The following C6orf120 variants were observed in gnomAD, a reference collection of about 807,000 sequenced individuals.
The protein encoded by C6orf120 is chromosome 6 open reading frame 120.
For synonymous variants in C6orf120, 165 were observed against 123.1 expected, an observed-to-expected ratio of 1.34 and a Z score of -2.25; for missense variants, 311 against 264.2, an observed-to-expected ratio of 1.18 and a Z score of -1.23.
At chr6:169,705,224 T>C (rs758405157), downstream of C6orf120, 1 of 1,613,676 alleles carries the variant, frequency 6.2e-7, no homozygotes, top group East Asian at 2.2e-5. Context: ...GGTGGGGTTG[T>C]CCACATATAA....
At chr6:169,702,970 G>A (rs1314562812) in exon 1 of C6orf120, 3 of 1,603,874 alleles carry the variant, frequency 1.9e-6, no homozygotes, top group Non-Finnish European at 8.5e-7. Flanking sequence ...CTCGCAAGAG[G>A]AGGAATCTGT....
exon 1 of C6orf120, chr6:169,704,252 CTT>C (rs1411371952): frequency 2.0e-5 from 11 of 554,612 alleles, no homozygotes; most frequent in African/African-American, 4.0e-5. Context: ...AAAATGTAAA[CTT>C]AATCAATGTA....
chr6:169,703,664 CTT>C lies in C6orf120; in HGVS notation c.*631_*632del, dbSNP rs1317647013. The stretch of plus-strand genomic sequence containing the variant: ...TGAAAATTCTTCAGTTATTAAATAA[CTT>C]TGTCAGTGCTACCTATGGTAGGCCG... On this transcript the variant is annotated 3_prime_UTR_variant, in exon 1 of 1. Coordinates refer to ENST00000332290, the Ensembl canonical transcript of C6orf120. The C allele has an allele frequency of 3.5e-4, 95 of 272,530 alleles. No individual in the cohort carries two copies. The Middle Eastern group carries it at 3.6e-3, about 10-fold the overall frequency. The allele number at this position is 272,530 out of a possible 1,614,324, so 16.9% of individuals were successfully genotyped here.
exon 1 of C6orf120, chr6:169,703,920 T>C (rs1788642893): frequency 4.3e-6 from 5 of 1,163,476 alleles, no homozygotes; most frequent in Admixed American, 6.0e-5. Flanking sequence ...AAAAAAAATC[T>C]TTTATTGGCA....
downstream of C6orf120, chr6:169,705,467 AAC>A (rs1788749692): frequency 1.4e-6 from 1 of 713,406 alleles, no homozygotes; most frequent in Non-Finnish European, 2.4e-6. Context: ...TGTAGAGGAA[AAC>A]ACATGGGCTG....
At chr6:169,705,460 A>G, downstream of C6orf120, 1 of 716,708 alleles carries the variant, frequency 1.4e-6, no homozygotes, top group Non-Finnish European at 2.4e-6. Context: ...TATACAATGT[A>G]GAGGAAAACA....
At chr6:169,705,665 CTTG>C (rs1271570850), downstream of C6orf120, 1 of 1,591,498 alleles carries the variant, frequency 6.3e-7, no homozygotes, top group Non-Finnish European at 8.6e-7. Flanking sequence ...CCTTTCCTTT[CTTG>C]TTGGACTCCT....
upstream of C6orf120, chr6:169,702,152 C>T: frequency 4.9e-6 from 3 of 616,912 alleles, no homozygotes; most frequent in Non-Finnish European, 9.1e-6. Flanking sequence ...AGGCTCCGGC[C>T]TCGGGTCCGG....
exon 1 of C6orf120, chr6:169,703,055 G>C: frequency 6.5e-7 from 1 of 1,538,036 alleles, no homozygotes; most frequent in Non-Finnish European, 8.8e-7. Flanking sequence ...CACACTCTGG[G>C]ATATAAAACC....
exon 1 of C6orf120, chr6:169,702,463 G>A (rs1477502014): frequency 5.2e-6 from 8 of 1,543,536 alleles, no homozygotes; most frequent in Non-Finnish European, 7.0e-6. Context: ...GCCAGCCATG[G>A]CCGCTCCCCG....
exon 1 of C6orf120, chr6:169,702,382 C>T (rs1302857001): frequency 5.6e-6 from 5 of 885,932 alleles, no homozygotes; most frequent in African/African-American, 5.1e-5. Context: ...ACGGCGGGGA[C>T]AGGCTCCGGT....
exon 1 of C6orf120, chr6:169,703,881 T>C: frequency 2.8e-6 from 2 of 702,846 alleles, no homozygotes; most frequent in Non-Finnish European, 4.7e-6. Flanking sequence ...TTAACAGAAA[T>C]AACTGCAGAT....
exon 1 of C6orf120, chr6:169,702,222 C>T: frequency 1.5e-6 from 1 of 662,504 alleles, no homozygotes; most frequent in Non-Finnish European, 2.8e-6. Context: ...CCACAGCGGC[C>T]CTGCCCCTGC....
downstream of C6orf120, chr6:169,705,672 G>T: frequency 6.3e-7 from 1 of 1,595,226 alleles, no homozygotes; most frequent in Non-Finnish European, 8.6e-7. Flanking sequence ...TTTCTTGTTG[G>T]ACTCCTTACC....
At chr6:169,705,876 C>T, downstream of C6orf120, 1 of 622,388 alleles carries the variant, frequency 1.6e-6, no homozygotes, top group South Asian at 1.9e-5. Flanking sequence ...AGTCTGCCTA[C>T]AATGTAAGAC....
rs753282202 is a variant in C6orf120 at position 169,702,612 on chromosome 6, C to T, written c.153C>T (p.Ala51=). ...ACGTCGTCCAGGGCCAGATAGGCGCCGGGAACTACAGCTACCTGCGGCTGA... is the reference window on the plus strand; with the variant it reads ...ACGTCGTCCAGGGCCAGATAGGCGCTGGGAACTACAGCTACCTGCGGCTGA... Residue 51 remains alanine (A), a synonymous_variant, in exon 1 of 1, where the codon GCC becomes GCT. Transcript: ENST00000332290. 1.9e-6 allele frequency: 3 copies of T among 1,613,306 alleles called. No individual in the cohort carries two copies. In the Admixed American group the frequency reaches 5.0e-5, roughly 27 times the overall value.
exon 1 of C6orf120, chr6:169,704,040 T>C (rs1332807607): frequency 6.3e-7 from 1 of 1,599,100 alleles, no homozygotes; most frequent in African/African-American, 1.4e-5. Context: ...TCTGCCCACT[T>C]TCCTGGGTGT....
Position 169,703,021 on chromosome 6 carries a change from G to A in C6orf120, c.562G>A (p.Glu188Lys), listed in dbSNP as rs766488039. The A allele has an allele frequency of 3.2e-6, 5 of 1,555,108 alleles. No individual in the cohort carries two copies. In the African/African-American group the frequency reaches 6.8e-5, roughly 21 times the overall value. ...AATTAGCATTTTGAAACTGGTACTT[G>A]AAATTCTCTTTTGAGTCGTTGACCA... The change falls in exon 1 of 1, where the codon GAA (glutamate) becomes AAA (lysine). Residue 188 changes from glutamate (E) to lysine (K), a missense_variant. Glu to Lys is a moderately conservative substitution (Grantham distance 56). Transcript: ENST00000332290.
chr6:169,702,868 GGCACGGTCGAGCA>G lies in C6orf120; in HGVS notation c.414_426del (p.Val139ArgfsTer37). On this transcript the variant is annotated frameshift_variant, in exon 1 of 1. Transcript: ENST00000332290. LOFTEE classifies it low-confidence loss of function (END_TRUNC). ...GTTCGAGATGAAGGTGTACTACGAC[GGCACGGTCGAGCA>G]GCACCCGTTCGGCGAGGCCGCCTAC... 1 of 1,611,920 alleles carries G rather than the reference GGCACGGTCGAGCA, an allele frequency of 6.2e-7. No individual in the cohort carries two copies. Among genetic ancestry groups the G allele is most frequent in the Non-Finnish European group, 8.5e-7 (1 of 1,179,964 alleles).
Sources: allele counts gnomAD v4.1 joint callset, GRCh38; gene constraint gnomAD v4.1.1; transcripts MANE v1.5; gene names NCBI Gene and HGNC (gene_info 2026-07-23, HGNC 2026-07-21).